Variants in ST3GAL6 observed in about 807,000 individuals in gnomAD.
ST3GAL6 encodes ST3 beta-galactoside alpha-2,3-sialyltransferase 6.
Under a neutral mutation model 40.5 loss-of-function variants are expected in ST3GAL6, and 31 were observed. The observed-to-expected ratio is 0.77, with a 90% CI of 0.58 to 1.03. The LOEUF is 1.03. Among genes scored for constraint, ST3GAL6 ranks in the 50% least tolerant of loss-of-function variants. The pLI is 0.00. For synonymous variants in ST3GAL6, 129 were observed against 136.9 expected (o/e 0.94, Z 0.40); for missense variants, 357 against 393.2 (o/e 0.91, Z 0.78).
chr3:98,762,355 C>T (rs1298983211), upstream of ST3GAL6, among the ~76,000 whole-genome samples: 2 of 152,210 alleles, frequency 1.3e-5, no homozygotes, highest in Non-Finnish European at 2.9e-5. Context: ...ATCAGATTTT[C>T]TGTTAATTTA....
At chr3:98,735,799 T>TGGATATTATA (rs1458775328) in intron 1 of ST3GAL6, among the ~76,000 whole-genome samples, 1 of 147,278 alleles carries the variant, frequency 6.8e-6, no homozygotes, top group African/African-American at 2.5e-5. Context: ...ATGTATACAT[T>TGGATATTATA]GGATATTATA....
chr3:98,768,395 G>A (rs1381352094), intron 1 of ST3GAL6, 35 bp from the exon 2 acceptor site: 2 of 1,453,488 alleles, frequency 1.4e-6, no homozygotes, highest in Admixed American at 1.7e-5. Flanking sequence ...ATAACAACCT[G>A]GCCTTTGCTT....
At chr3:98,784,765 G>A (rs1401871679) in intron 5 of ST3GAL6, among the ~76,000 whole-genome samples, 180 bp from the exon 6 acceptor site, 1 of 152,212 alleles carries the variant, frequency 6.6e-6, no homozygotes. Flanking sequence ...CCTATAGAAT[G>A]TTACTCATTG....
chr3:98,776,383 T>C (rs1379355468), intron 5 of ST3GAL6, among the ~76,000 whole-genome samples: 4 of 152,214 alleles, frequency 2.6e-5, no homozygotes, highest in Admixed American at 2.6e-4. Context: ...AATAAAGCTC[T>C]AGAAGAAAGA....
upstream of ST3GAL6, among the ~76,000 whole-genome samples, chr3:98,761,277 T>G (rs1937731648): frequency 6.6e-6 from 1 of 151,802 alleles, no homozygotes; most frequent in Non-Finnish European, 1.5e-5. Flanking sequence ...AGACCCTGTC[T>G]CAAAAAAAGG....
chr3:98,791,797 T>A lies in ST3GAL6; in HGVS notation c.757-44T>A, dbSNP rs763775298. ...CAACCAAATATGCTTTGGTAACAAG[T>A]AGCTCCTTTTGCTTAAAAAAGTTTT... is the stretch of plus-strand genomic sequence containing the variant. On this transcript the variant is annotated intron_variant, in intron 8 of 9. Coordinates refer to ENST00000483910, the MANE Select transcript of ST3GAL6 (RefSeq NM_001323368.2). 2.7e-5 allele frequency: 42 copies of A among 1,564,438 alleles called. No homozygotes were observed. The Middle Eastern group carries it at 1.7e-3, about 64-fold the overall frequency.
chr3:98,788,244 G>A (rs961704718), intron 7 of ST3GAL6, 22 bp downstream of exon 7: 3 of 1,600,856 alleles, frequency 1.9e-6, no homozygotes, highest in Non-Finnish European at 2.6e-6. Context: ...AAATTGTTCT[G>A]CCTTCAGATT....
At chr3:98,756,225 C>A (rs556542105) in intron 1 of ST3GAL6, 5 of 577,412 alleles carry the variant, frequency 8.7e-6, no homozygotes, top group South Asian at 5.6e-5. Flanking sequence ...TTGGTAATTT[C>A]ATCATCCTGG....
chr3:98,772,537 A>C (rs1939104726), intron 3 of ST3GAL6: 1 of 200,624 alleles, frequency 5.0e-6, no homozygotes, highest in Non-Finnish European at 1.0e-5. Context: ...GTTTGTTTTT[A>C]AGTTTTGTTT....
intron 1 of ST3GAL6, among the ~76,000 whole-genome samples, chr3:98,766,713 G>A (rs967289323): frequency 6.6e-6 from 1 of 152,076 alleles, no homozygotes; most frequent in Non-Finnish European, 1.5e-5. Context: ...GAGCCACTGC[G>A]CCCAGCCAAA....
chr3:98,754,055 A>T (rs1451559533), intron 1 of ST3GAL6, among the ~76,000 whole-genome samples: 13 of 152,222 alleles, frequency 8.5e-5, no homozygotes, highest in African/African-American at 3.1e-4. Context: ...TCAACATTCA[A>T]GTCTTATTAT....
At chr3:98,789,216 A>G (rs1275597361) in intron 8 of ST3GAL6, among the ~76,000 whole-genome samples, 1 of 152,166 alleles carries the variant, frequency 6.6e-6, no homozygotes, top group African/African-American at 2.4e-5. Flanking sequence ...TACATCATGT[A>G]TTTTCATGAT....
At chr3:98,782,276 GT>G in intron 5 of ST3GAL6, 2 of 703,436 alleles carry the variant, frequency 2.8e-6, no homozygotes, top group Non-Finnish European at 5.2e-6. Context: ...CTTCTCAGCT[GT>G]TTTCCCAGTC....
intron 5 of ST3GAL6, among the ~76,000 whole-genome samples, chr3:98,778,689 C>T (rs1198611384): frequency 2.6e-5 from 4 of 152,172 alleles, no homozygotes; most frequent in African/African-American, 9.7e-5. Context: ...CCTTACTTCA[C>T]AAAAGAGCAA....
chr3:98,764,412 T>C (rs1440493153), intron 1 of ST3GAL6, among the ~76,000 whole-genome samples: 1 of 152,164 alleles, frequency 6.6e-6, no homozygotes, highest in Non-Finnish European at 1.5e-5. Flanking sequence ...GGAACAGGGT[T>C]GGGAGTAACA....
At chr3:98,779,315 A>G (rs1285399145) in intron 5 of ST3GAL6, among the ~76,000 whole-genome samples, 1 of 152,216 alleles carries the variant, frequency 6.6e-6, no homozygotes, top group East Asian at 1.9e-4. Context: ...TCACATGGCT[A>G]TGTCTAGATG....
intron 1 of ST3GAL6, among the ~76,000 whole-genome samples, chr3:98,755,078 C>T (rs1428244893): frequency 1.3e-5 from 2 of 152,172 alleles, no homozygotes; most frequent in Non-Finnish European, 2.9e-5. Flanking sequence ...GACGGAGTCT[C>T]GCTCTGTCGC....
At chr3:98,740,219 A>G (rs916613461) in intron 1 of ST3GAL6, among the ~76,000 whole-genome samples, 3 of 141,040 alleles carry the variant, frequency 2.1e-5, no homozygotes, top group African/African-American at 8.1e-5. Flanking sequence ...CTCTTATTGC[A>G]AAACACTTTT....
At chr3:98,778,424 T>G (rs1198155338) in intron 5 of ST3GAL6, among the ~76,000 whole-genome samples, 1 of 152,216 alleles carries the variant, frequency 6.6e-6, no homozygotes, top group Non-Finnish European at 1.5e-5. Flanking sequence ...GCCTCCCTAC[T>G]TTAGACATTC....
Sources: gnomAD v4.1 joint callset for allele counts (sites outside exome capture counted in the v4.1 genomes callset) on GRCh38, gnomAD v4.1.1 for gene constraint, MANE v1.5 for transcripts, NCBI Gene and HGNC (gene_info 2026-07-23, HGNC 2026-07-21) for gene names.